Variants in ADGRL2 observed in about 807,000 individuals in gnomAD.
ADGRL2 encodes the protein adhesion G protein-coupled receptor L2.
Under a neutral mutation model 157.4 loss-of-function variants are expected in ADGRL2, and 44 were observed. That is an observed-to-expected ratio of 0.28 (90% CI 0.22 to 0.36). The LOEUF is 0.36. Ranked by LOEUF, ADGRL2 falls within the 10% of genes least tolerant of loss-of-function variation. The pLI is 1.00. For missense variants in ADGRL2, 1,510 were observed against 1,768.9 expected (o/e 0.85, Z 2.63); for synonymous variants, 585 against 624.7 (o/e 0.94, Z 0.95).
At chr1:81,336,571 T>C (rs1232069239) in intron 1 of ADGRL2, among the ~76,000 whole-genome samples, 2 of 152,154 alleles carry the variant, frequency 1.3e-5, no homozygotes, top group African/African-American at 2.4e-5. Context: ...GCACTAGACC[T>C]ATATATGTAT....
At chr1:81,368,942 C>T (rs981405302) in intron 1 of ADGRL2, among the ~76,000 whole-genome samples, 1 of 152,124 alleles carries the variant, frequency 6.6e-6, no homozygotes, top group Non-Finnish European at 1.5e-5. Flanking sequence ...CATAAAATAT[C>T]CTGGAAGACA....
chr1:81,517,413 G>A (rs376195906), intron 2 of ADGRL2, among the ~76,000 whole-genome samples: 5 of 143,864 alleles, frequency 3.5e-5, no homozygotes, highest in East Asian at 4.2e-4. Context: ...TGCAGTGAGC[G>A]GAGATCATGC....
chr1:81,641,397 T>A (rs1035750124), intron 3 of ADGRL2, among the ~76,000 whole-genome samples: 1 of 152,188 alleles, frequency 6.6e-6, no homozygotes, highest in African/African-American at 2.4e-5. Context: ...CATTGGAATA[T>A]TCACCAACAG....
chr1:81,468,774 A>G (rs1028721865), intron 2 of ADGRL2, among the ~76,000 whole-genome samples: 1 of 152,172 alleles, frequency 6.6e-6, no homozygotes, highest in African/African-American at 2.4e-5. Context: ...CCAACTTTTC[A>G]TCAACCTAGC....
At chr1:81,341,717 C>T (rs1662088461) in intron 1 of ADGRL2, among the ~76,000 whole-genome samples, 1 of 150,568 alleles carries the variant, frequency 6.6e-6, no homozygotes, top group Non-Finnish European at 1.5e-5. Context: ...TCTATAAAAA[C>T]ATGTTTGTAG....
At chr1:81,810,258 T>C (rs1163089717) in intron 1 of ADGRL2, among the ~76,000 whole-genome samples, 1 of 151,970 alleles carries the variant, frequency 6.6e-6, no homozygotes, top group Non-Finnish European at 1.5e-5. Context: ...ATAAAATTTT[T>C]AGTTGATACA....
intron 1 of ADGRL2, among the ~76,000 whole-genome samples, chr1:81,402,699 A>G (rs1413574760): frequency 1.3e-5 from 2 of 152,086 alleles, no homozygotes; most frequent in African/African-American, 2.4e-5. Context: ...TTTTCTTAGT[A>G]TTATATTTTG....
intron 11 of ADGRL2, among the ~76,000 whole-genome samples, chr1:81,958,341 G>T (rs1654266080): frequency 6.6e-6 from 1 of 150,612 alleles, no homozygotes; most frequent in South Asian, 2.1e-4. Context: ...GGGGTGGGGG[G>T]AAGGGCCCTG....
chr1:81,812,532 A>T (rs897379550), intron 1 of ADGRL2, among the ~76,000 whole-genome samples: 15 of 151,728 alleles, frequency 9.9e-5, no homozygotes, highest in African/African-American at 3.6e-4. Context: ...TTGAGATTAT[A>T]ATTTTTTATT....
chr1:81,933,890 C>T (rs1173773122), intron 3 of ADGRL2, among the ~76,000 whole-genome samples: 1 of 152,024 alleles, frequency 6.6e-6, no homozygotes, highest in Admixed American at 6.6e-5. Flanking sequence ...AGTTGGATTT[C>T]TCTCCTTTCT....
At chr1:81,330,191 A>C (rs973418133) in intron 1 of ADGRL2, among the ~76,000 whole-genome samples, 2 of 152,120 alleles carry the variant, frequency 1.3e-5, no homozygotes, top group Middle Eastern at 3.2e-3. Context: ...GATGAGGATG[A>C]CCAAAAGTAC....
intron 2 of ADGRL2, among the ~76,000 whole-genome samples, chr1:81,877,153 A>G (rs1005645639): frequency 6.6e-6 from 1 of 152,134 alleles, no homozygotes; most frequent in African/African-American, 2.4e-5. Flanking sequence ...GTGGCATAAA[A>G]TAGTATATAT....
rs189003205 is a variant in ADGRL2, at chr1:81,743,609, G to A, written c.-142-18202G>A. Among the ~76,000 whole-genome samples the A allele has an allele frequency of 4.1e-4, 63 of 152,004 alleles. 2 individuals carry two copies. In the East Asian group the frequency reaches 0.012, roughly 29 times the overall value. On this transcript the variant is annotated intron_variant, in intron 1 of 20. Coordinates refer to the ADGRL2 transcript ENST00000359929. Reference sequence around the variant, plus strand: ...TGCATTAGAAATGAAGTAATTAAAGGTTCTATAAGAAAATGAGCAAATTAG... The same window carrying A: ...TGCATTAGAAATGAAGTAATTAAAGATTCTATAAGAAAATGAGCAAATTAG...
At chr1:81,591,042 C>A (rs185220680) in intron 3 of ADGRL2, among the ~76,000 whole-genome samples, 14 of 152,302 alleles carry the variant, frequency 9.2e-5, no homozygotes, top group Admixed American at 7.8e-4. Context: ...AGCAGGCCAT[C>A]AATTCCCTAG....
intron 3 of ADGRL2, among the ~76,000 whole-genome samples, chr1:81,671,588 C>G (rs2082875984): frequency 6.6e-6 from 1 of 151,970 alleles, no homozygotes; most frequent in African/African-American, 2.4e-5. Context: ...TCTCAGCTCA[C>G]AGCAACCTCC....
intron 1 of ADGRL2, among the ~76,000 whole-genome samples, chr1:81,436,011 C>T (rs1474904692): frequency 6.6e-6 from 1 of 152,136 alleles, no homozygotes; most frequent in Admixed American, 6.5e-5. Flanking sequence ...AGGAGAATCA[C>T]TTGAATCTGG....
chr1:81,440,357 G>A (rs57484725), intron 1 of ADGRL2, among the ~76,000 whole-genome samples: 28 of 152,226 alleles, frequency 1.8e-4, no homozygotes, highest in Admixed American at 8.5e-4. Flanking sequence ...TAAATTAGCC[G>A]CTGTGAAGTG....
At chr1:81,826,585 A>C (rs2091500809) in intron 1 of ADGRL2, among the ~76,000 whole-genome samples, 1 of 152,222 alleles carries the variant, frequency 6.6e-6, no homozygotes, top group Admixed American at 6.5e-5. Context: ...TAAAAGAAGT[A>C]TGTGTGTATG....
chr1:81,882,070 A>T (rs2094002725), intron 2 of ADGRL2, among the ~76,000 whole-genome samples: 1 of 152,148 alleles, frequency 6.6e-6, no homozygotes. Context: ...AATTTGTACA[A>T]TTTGTTTCTT....
Sources: gnomAD v4.1 joint callset for allele counts (sites outside exome capture counted in the v4.1 genomes callset) on GRCh38, gnomAD v4.1.1 for gene constraint, MANE v1.5 for transcripts, NCBI Gene and HGNC (gene_info 2026-07-23, HGNC 2026-07-21) for gene names.